CNTNAP4: variants seen among roughly 807,000 people sequenced by gnomAD.
CNTNAP4 encodes the protein contactin-associated protein-like 4.
A neutral mutation model predicts 148.4 loss-of-function variants in CNTNAP4; 98 were observed. That is an observed-to-expected ratio of 0.66 (90% CI 0.56 to 0.78). CNTNAP4 has a LOEUF of 0.78. Among genes scored for constraint, CNTNAP4 ranks in the 30% least tolerant of loss-of-function variants. The probability of loss-of-function intolerance (pLI) is 0.00; values close to 1 mark genes in which losing one functional copy is unlikely to be tolerated. For missense variants in CNTNAP4, 1,935 were observed against 1,565.6 expected (o/e 1.24, Z -3.98); for synonymous variants, 730 against 565.1 (o/e 1.29, Z -4.14).
chr16:76,504,257 TGAATG>T (rs911030225), intron 15 of CNTNAP4, among the ~76,000 whole-genome samples: 2 of 151,952 alleles, frequency 1.3e-5, no homozygotes, highest in Non-Finnish European at 2.9e-5. Flanking sequence ...GACAAATACA[TGAATG>T]GAATAGAATA....
chr16:76,373,117 T>G (rs2015025890), intron 3 of CNTNAP4, among the ~76,000 whole-genome samples: 1 of 152,126 alleles, frequency 6.6e-6, no homozygotes, highest in Non-Finnish European at 1.5e-5. Flanking sequence ...GTGAATATAT[T>G]CCATATAAAT....
At chr16:76,490,279 A>G (rs2082167892) in intron 13 of CNTNAP4, among the ~76,000 whole-genome samples, 1 of 152,204 alleles carries the variant, frequency 6.6e-6, no homozygotes, top group Admixed American at 6.5e-5. Context: ...GAAAGCGATT[A>G]TTCTACGTGC....
At chr16:76,532,941 A>G (rs2084048955) in intron 17 of CNTNAP4, among the ~76,000 whole-genome samples, 1 of 152,166 alleles carries the variant, frequency 6.6e-6, no homozygotes, top group Admixed American at 6.5e-5. Flanking sequence ...GTCCTCAAAA[A>G]ACTACAAATA....
In CNTNAP4 at chr16:76,402,681, T is replaced by C. The variant is rs138422151; in HGVS notation, c.391-24771T>C. 2.8e-3 allele frequency among the ~76,000 whole-genome samples: 431 copies of C among 152,280 alleles called. 3 individuals are homozygous for C. Among genetic ancestry groups the C allele is most frequent in the African/African-American group, 0.01 (418 of 41,562 alleles). On this transcript the variant is annotated intron_variant, in intron 3 of 23. Coordinates refer to ENST00000611870, the MANE Select transcript of CNTNAP4 (RefSeq NM_033401.5). ...ATTTTAGATCTTTATAACTTCTTGATGGGGCATTGAGTGCCATGAATTTTT... is the reference window on the plus strand; with the variant it reads ...ATTTTAGATCTTTATAACTTCTTGACGGGGCATTGAGTGCCATGAATTTTT...
chr16:76,461,918 C>T (rs763096783), intron 8 of CNTNAP4, 38 bp from the exon 9 acceptor site: 1 of 1,601,238 alleles, frequency 6.2e-7, no homozygotes, highest in South Asian at 1.1e-5. Context: ...ATAGTGTTCA[C>T]TATTGAGAGC....
chr16:76,538,534 T>G (rs1261643896), intron 19 of CNTNAP4, among the ~76,000 whole-genome samples, 194 bp downstream of exon 19: 4 of 152,062 alleles, frequency 2.6e-5, no homozygotes, highest in Non-Finnish European at 5.9e-5. Flanking sequence ...TAAGATGCCC[T>G]TATCTCTTTA....
Position 76,489,759 on chromosome 16 carries a change from A to G in CNTNAP4, c.1956A>G (p.Pro652=). ...TCAGAAATACTAATCCAGAGAACCC[A>G]TATGCTGGGTTTTTCGAGTATGTGG... is the stretch of plus-strand genomic sequence containing the variant. The part of the protein sequence containing the change: ...TRVRNTNPEN[P]YAGFFEYVAS... Residue 652 remains proline, a synonymous_variant, in exon 13 of 24, where the codon CCA becomes CCG. Coordinates refer to ENST00000611870, the MANE Select transcript of CNTNAP4 (RefSeq NM_033401.5). 3 of 1,605,056 alleles carry G rather than the reference A, an allele frequency of 1.9e-6. No individual in the cohort carries two copies. Among genetic ancestry groups the G allele is most frequent in the South Asian group, 1.1e-5 (1 of 89,088 alleles).
In CNTNAP4 at chr16:76,339,541, C is replaced by A. The variant is rs953340521; in HGVS notation, c.197-15777C>A. On this transcript the variant is annotated intron_variant, in intron 2 of 23. Coordinates refer to ENST00000611870, the MANE Select transcript of CNTNAP4 (RefSeq NM_033401.5). ...CTAGAGAAGATTGATGGGAATTAAT[C>A]AAAACTATTTCTTAGAAAAGAAATG... Among the ~76,000 whole-genome samples the A allele has an allele frequency of 2.6e-5, 4 of 151,982 alleles. No homozygotes were observed. In the East Asian group the frequency reaches 5.8e-4, roughly 22 times the overall value.
chr16:76,451,043 T>A (rs1221667905), intron 7 of CNTNAP4, among the ~76,000 whole-genome samples: 1 of 152,154 alleles, frequency 6.6e-6, no homozygotes, highest in African/African-American at 2.4e-5. Context: ...CCACCACCCC[T>A]GTGTGTCCCC....
chr16:76,511,188 G>A (rs1012339010), intron 15 of CNTNAP4, among the ~76,000 whole-genome samples: 1 of 152,108 alleles, frequency 6.6e-6, no homozygotes, highest in Non-Finnish European at 1.5e-5. Flanking sequence ...TTTATCACAT[G>A]TATTTCTTTT....
At chr16:76,438,336 C>G (rs2079910862) in intron 4 of CNTNAP4, among the ~76,000 whole-genome samples, 1 of 152,092 alleles carries the variant, frequency 6.6e-6, no homozygotes, top group South Asian at 2.1e-4. Context: ...ATTTCAGTAT[C>G]TACGTAGGGC....
intron 9 of CNTNAP4, among the ~76,000 whole-genome samples, chr16:76,466,133 T>A (rs1443226673): frequency 6.6e-6 from 1 of 152,164 alleles, no homozygotes; most frequent in Non-Finnish European, 1.5e-5. Flanking sequence ...GTTCCGTGGG[T>A]TCAATTGTTT....
At chr16:76,364,335 T>G (rs2013843556) in intron 3 of CNTNAP4, among the ~76,000 whole-genome samples, 1 of 151,938 alleles carries the variant, frequency 6.6e-6, no homozygotes, top group South Asian at 2.1e-4. Flanking sequence ...TGATATTGCT[T>G]CACAGTCTTT....
chr16:76,288,799 A>T lies in CNTNAP4; in HGVS notation c.85+11052A>T, dbSNP rs138655481. On this transcript the variant is annotated intron_variant, in intron 1 of 23. Coordinates refer to ENST00000611870, the MANE Select transcript of CNTNAP4 (RefSeq NM_033401.5). ...ATAATTTGTATTTTTTTTCAGTTGA[A>T]ACACCAAAAACAGAGAAGATGAACA... Among the ~76,000 whole-genome samples the T allele has an allele frequency of 5.3e-3, 806 of 152,316 alleles. 3 individuals carry two copies. The highest frequency in any genetic ancestry group is 0.018 in the African/African-American group (749 of 41,572).
intron 21 of CNTNAP4, among the ~76,000 whole-genome samples, chr16:76,545,635 A>G (rs1010078864): frequency 1.3e-5 from 2 of 152,200 alleles, no homozygotes; most frequent in Non-Finnish European, 1.5e-5. Context: ...CCAAAATTAT[A>G]TATTTTCAGG....
intron 1 of CNTNAP4, among the ~76,000 whole-genome samples, chr16:76,303,233 T>A (rs952925320): frequency 5.9e-5 from 9 of 152,212 alleles, no homozygotes; most frequent in African/African-American, 2.2e-4. Context: ...AATAGCTATT[T>A]ATTAAACTAG....
At chr16:76,316,558 A>G (rs1349993597) in intron 2 of CNTNAP4, 35 bp downstream of exon 2, 1 of 1,346,976 alleles carries the variant, frequency 7.4e-7, no homozygotes, top group Admixed American at 1.7e-5. Context: ...TGGCCCATAG[A>G]AAATCTCACT....
At chr16:76,460,172 A>G (rs1015188451) in intron 8 of CNTNAP4, among the ~76,000 whole-genome samples, 1 of 151,966 alleles carries the variant, frequency 6.6e-6, no homozygotes, top group Non-Finnish European at 1.5e-5. Flanking sequence ...CAATGGTGCA[A>G]TCTCGGCTCA....
chr16:76,326,840 C>T (rs1963031603), intron 2 of CNTNAP4, among the ~76,000 whole-genome samples: 1 of 151,954 alleles, frequency 6.6e-6, no homozygotes, highest in African/African-American at 2.4e-5. Context: ...AGGAGATATA[C>T]CTAATGCTAA....
Sources: gnomAD v4.1 joint callset for allele counts (sites outside exome capture counted in the v4.1 genomes callset) on GRCh38, gnomAD v4.1.1 for gene constraint, MANE v1.5 for transcripts, NCBI Gene and HGNC (gene_info 2026-07-23, HGNC 2026-07-21) for gene names.